The following PIWIL3 variants were observed in gnomAD, a reference collection of about 807,000 sequenced individuals.
The protein encoded by PIWIL3 is piwi-like protein 3.
In PIWIL3, 101 loss-of-function variants were observed where a neutral mutation model predicts 109.7. The ratio of observed to expected loss-of-function variants is 0.92; its 90% CI spans 0.78 to 1.09. The LOEUF is 1.09. PIWIL3 is among the 50% of genes least tolerant of loss of function. The pLI, the probability that PIWIL3 is intolerant of heterozygous loss-of-function variation, is 0.00. For missense variants in PIWIL3, 1,031 were observed against 1,072.6 expected (o/e 0.96, Z 0.54); for synonymous variants, 373 against 376.4 (o/e 0.99, Z 0.10).
At chr22:24,752,038 A>G (rs1404984947) in intron 8 of PIWIL3, among the ~76,000 whole-genome samples, 3 of 152,160 alleles carry the variant, frequency 2.0e-5, no homozygotes, top group African/African-American at 7.2e-5. Context: ...ATGAACATTT[A>G]TGTGCCGATT....
chr22:24,721,284 T>A (rs1922659389), intron 19 of PIWIL3, among the ~76,000 whole-genome samples: 1 of 152,224 alleles, frequency 6.6e-6, no homozygotes, highest in African/African-American at 2.4e-5. Flanking sequence ...GTGATTTTTA[T>A]TGTTTGTAAA....
At chr22:24,733,710 C>CAA (rs775652871) in intron 14 of PIWIL3, among the ~76,000 whole-genome samples, 2 of 84,496 alleles carry the variant, frequency 2.4e-5, no homozygotes, top group Non-Finnish European at 6.1e-5. Context: ...AAAACAACAA[C>CAA]AACAAAAAAA....
chr22:24,719,036 GTGT>G lies in PIWIL3; in HGVS notation c.*433_*435del, dbSNP rs1244021341. The G allele has an allele frequency of 6.5e-6, 1 of 152,998 alleles. No homozygotes were observed. Among genetic ancestry groups the G allele is most frequent in the Non-Finnish European group, 1.5e-5 (1 of 68,636 alleles). 9.5% of individuals were successfully genotyped at this position (152,998 alleles called of 1,614,324 possible). A position where few individuals can be genotyped will look rare whatever the true frequency, so the allele number is the denominator to read the frequency against. On this transcript the variant is annotated 3_prime_UTR_variant, in exon 21 of 21. Transcript: ENST00000616349. The stretch of plus-strand genomic sequence containing the variant: ...AATACAAATATTAAACAGAAATTCA[GTGT>G]TGTTACTTTTATGTCTTCCTTTCCT...
intron 8 of PIWIL3, among the ~76,000 whole-genome samples, chr22:24,752,035 T>C (rs1171275974): frequency 1.3e-5 from 2 of 152,214 alleles, no homozygotes; most frequent in Admixed American, 1.3e-4. Context: ...GTTATGAACA[T>C]TTATGTGCCG....
At chr22:24,725,656 G>T in intron 16 of PIWIL3, 141 bp from the exon 17 acceptor site, 1 of 817,838 alleles carries the variant, frequency 1.2e-6, no homozygotes, top group Non-Finnish European at 1.9e-6. Flanking sequence ...GGAGATCAAA[G>T]TATTGGTCTC....
chr22:24,749,260 A>G, intron 11 of PIWIL3, 144 bp downstream of exon 11: 1 of 1,321,100 alleles, frequency 7.6e-7, no homozygotes, highest in Non-Finnish European at 1.0e-6. Flanking sequence ...ATGACAGAAA[A>G]ACTAGAGTTG....
At chr22:24,752,097 T>C (rs548012765) in intron 8 of PIWIL3, among the ~76,000 whole-genome samples, 3 of 152,180 alleles carry the variant, frequency 2.0e-5, no homozygotes, top group Admixed American at 2.0e-4. Flanking sequence ...AGGAGTAAAA[T>C]TTCTGGTTCA....
At chr22:24,738,352 G>A (rs1051654468) in intron 12 of PIWIL3, among the ~76,000 whole-genome samples, 2 of 152,244 alleles carry the variant, frequency 1.3e-5, no homozygotes, top group Non-Finnish European at 2.9e-5. Flanking sequence ...AAGGACATAA[G>A]TCTGGCTGCT....
At chr22:24,726,427 C>T (rs1026686065) in intron 16 of PIWIL3, among the ~76,000 whole-genome samples, 3 of 151,982 alleles carry the variant, frequency 2.0e-5, no homozygotes, top group Non-Finnish European at 4.4e-5. Context: ...GGACTACAGG[C>T]GCCCACCACC....
At chr22:24,762,794 G>A (rs1190035604) in intron 1 of PIWIL3, among the ~76,000 whole-genome samples, 1 of 152,070 alleles carries the variant, frequency 6.6e-6, no homozygotes, top group African/African-American at 2.4e-5. Flanking sequence ...TGAGGAGGCC[G>A]GACTCTAACA....
At chr22:24,748,883 A>G in intron 12 of PIWIL3, 24 bp downstream of exon 12, 1 of 1,567,424 alleles carries the variant, frequency 6.4e-7, no homozygotes, top group Middle Eastern at 1.7e-4. Flanking sequence ...CCACCATGAC[A>G]TGATGATTTT....
chr22:24,766,179 G>T (rs1925776137), intron 1 of PIWIL3, among the ~76,000 whole-genome samples: 1 of 152,004 alleles, frequency 6.6e-6, no homozygotes, highest in African/African-American at 2.4e-5. Flanking sequence ...TGGAGACGGG[G>T]TTTCACCATG....
intron 16 of PIWIL3, among the ~76,000 whole-genome samples, chr22:24,726,364 G>A (rs1053808872): frequency 2.0e-5 from 3 of 151,250 alleles, no homozygotes; most frequent in Non-Finnish European, 4.4e-5. Context: ...CTCACTGCAA[G>A]CTCCACCTCC....
Position 24,756,664 on chromosome 22 carries a change from G to C in PIWIL3, c.397C>G (p.Arg133Gly), listed in dbSNP as rs1176218314. Residue 133 changes from arginine to glycine, a missense_variant, in exon 5 of 21, where the codon CGA (arginine) becomes GGA (glycine). Coordinates refer to ENST00000616349, the MANE Select transcript of PIWIL3 (RefSeq NM_001255975.1). ...ACCCACTGAGGACGAGATATCACTCGGAAGTGGTTGGCGAGTAGCTGTACC... is the reference window on the plus strand; with the variant it reads ...ACCCACTGAGGACGAGATATCACTCCGAAGTGGTTGGCGAGTAGCTGTACC... ...TVVQLLANHF[R>G]VISRPQWVAY... is the part of the protein sequence containing the mutation. 3.1e-6 allele frequency: 5 copies of C among 1,614,030 alleles called. No homozygotes were observed. Among genetic ancestry groups the C allele is most frequent in the Middle Eastern group, 1.6e-4 (1 of 6,062 alleles).
chr22:24,733,832 G>A (rs1923494946), intron 14 of PIWIL3, among the ~76,000 whole-genome samples: 1 of 152,224 alleles, frequency 6.6e-6, no homozygotes, highest in Admixed American at 6.5e-5. Flanking sequence ...CTTTACATTT[G>A]TATGGTGTAT....
intron 14 of PIWIL3, among the ~76,000 whole-genome samples, chr22:24,731,782 G>A (rs1343970401): frequency 6.6e-6 from 1 of 152,096 alleles, no homozygotes; most frequent in Non-Finnish European, 1.5e-5. Context: ...ATAATTTCCA[G>A]GCCTTCTCCC....
At chr22:24,768,369 C>T (rs191932388) in intron 1 of PIWIL3, among the ~76,000 whole-genome samples, 11 of 152,168 alleles carry the variant, frequency 7.2e-5, no homozygotes, top group South Asian at 6.2e-4. Flanking sequence ...ATTCTCCTGC[C>T]TCAGCCTCCC....
chr22:24,760,036 T>C (rs1372476959), intron 2 of PIWIL3, 47 bp from the exon 3 acceptor site: 1 of 1,606,474 alleles, frequency 6.2e-7, no homozygotes, highest in Non-Finnish European at 8.5e-7. Context: ...CCTACTGTGT[T>C]CATTCTCCCT....
chr22:24,725,066 AC>A (rs753101234), intron 17 of PIWIL3, 29 bp from the exon 18 acceptor site: 4 of 1,611,968 alleles, frequency 2.5e-6, no homozygotes, highest in East Asian at 4.5e-5. Context: ...AAGTAAATAA[AC>A]CGTTACTTGG....
Sources: allele counts gnomAD v4.1 joint callset (sites outside exome capture counted in the v4.1 genomes callset), GRCh38; gene constraint gnomAD v4.1.1; transcripts MANE v1.5; gene names NCBI Gene and HGNC (gene_info 2026-07-23, HGNC 2026-07-21).